The following DENND1A variants were observed in gnomAD, a reference collection of about 807,000 sequenced individuals.
The protein encoded by DENND1A is DENN domain-containing protein 1A.
Under a neutral mutation model 113.7 loss-of-function variants are expected in DENND1A, and 51 were observed. That is an observed-to-expected ratio of 0.45 (90% CI 0.36 to 0.57). The LOEUF (loss-of-function observed/expected upper bound fraction) is 0.57, where lower values mean the gene tolerates loss of function less well. Among genes scored for constraint, DENND1A ranks in the 20% least tolerant of loss-of-function variants. The probability of loss-of-function intolerance (pLI) is 0.00; values close to 1 mark genes in which losing one functional copy is unlikely to be tolerated. For synonymous variants in DENND1A, 565 were observed against 570.8 expected, an observed-to-expected ratio of 0.99 and a Z score of 0.14; for missense variants, 1,258 against 1,395.9, an observed-to-expected ratio of 0.90 and a Z score of 1.57.
At position 123,459,253 on chromosome 9, in the gene DENND1A, G is replaced by A. The variant is rs189754435; in HGVS notation, c.994-1356C>T. 7.3e-4 allele frequency among the ~76,000 whole-genome samples: 111 copies of A among 152,308 alleles called. 2 individuals are homozygous for A. Among genetic ancestry groups the A allele is most frequent in the Admixed American group, 7.2e-3 (110 of 15,302 alleles). On this transcript the variant is annotated intron_variant, in intron 13 of 23. Coordinates refer to ENST00000394215, the MANE Select transcript of DENND1A (RefSeq NM_001352964.2). ...ATCAGCTGCTCTGGAGGACCTGGGG[G>A]TAGAGCAGGGGTGCTGGCTGGGTTC...
chr9:123,804,277 TC>T (rs1383858966), intron 2 of DENND1A, among the ~76,000 whole-genome samples: 5 of 152,218 alleles, frequency 3.3e-5, no homozygotes, highest in Admixed American at 6.5e-5. Flanking sequence ...TTGTGAGGCC[TC>T]CCCAGGCATG....
At chr9:123,889,756 T>C (rs554518234) in intron 1 of DENND1A, among the ~76,000 whole-genome samples, 1 of 152,270 alleles carries the variant, frequency 6.6e-6, no homozygotes, top group South Asian at 2.1e-4. Context: ...GTAGATCACC[T>C]GAGGTCAGGA....
chr9:123,803,433 C>T (rs1835031380), intron 2 of DENND1A, among the ~76,000 whole-genome samples: 1 of 152,074 alleles, frequency 6.6e-6, no homozygotes, highest in Non-Finnish European at 1.5e-5. Flanking sequence ...AAATCTTCTC[C>T]AACCTCAATT....
At chr9:123,442,018 A>T (rs899470137) in intron 18 of DENND1A, among the ~76,000 whole-genome samples, 3 of 152,238 alleles carry the variant, frequency 2.0e-5, no homozygotes, top group African/African-American at 7.2e-5. Context: ...TGAAATGGGC[A>T]TATGGTAGCA....
At chr9:123,750,407 G>A (rs372634044) in intron 5 of DENND1A, among the ~76,000 whole-genome samples, 28 of 152,284 alleles carry the variant, frequency 1.8e-4, no homozygotes, top group African/African-American at 6.0e-4. Flanking sequence ...GTTCTGAAGA[G>A]CACCCCATGC....
Position 123,588,855 on chromosome 9 carries a change from C to A in DENND1A, c.766-5585G>T, listed in dbSNP as rs139121771. On this transcript the variant is annotated intron_variant, in intron 11 of 23. Transcript: ENST00000394215. ...TGATCTTGGCTCACTGCAACCTCTG[C>A]CTCCTGGGTTCAAGCTGTTCTTATG... Among the ~76,000 whole-genome samples the A allele has an allele frequency of 7.6e-3, 1,152 of 151,526 alleles. 40 individuals carry two copies. The highest frequency in any genetic ancestry group is 0.059 in the Admixed American group (903 of 15,242).
At chr9:123,487,071 C>T (rs936376141) in intron 13 of DENND1A, among the ~76,000 whole-genome samples, 2 of 152,122 alleles carry the variant, frequency 1.3e-5, no homozygotes, top group Admixed American at 1.3e-4. Flanking sequence ...ACCATAGAGG[C>T]CCCCATATTT....
intron 11 of DENND1A, among the ~76,000 whole-genome samples, chr9:123,599,781 C>T (rs529940067): frequency 5.9e-4 from 90 of 152,324 alleles, no homozygotes; most frequent in Non-Finnish European, 1.2e-3. Flanking sequence ...CGGATTTCGG[C>T]TTGCTTACAC....
chr9:123,863,623 G>A (rs1322013086), intron 2 of DENND1A, among the ~76,000 whole-genome samples: 1 of 151,652 alleles, frequency 6.6e-6, no homozygotes, highest in Non-Finnish European at 1.5e-5. Flanking sequence ...AACTTTGGTT[G>A]TACTAAATTG....
chr9:123,447,976 C>G (rs1377673239), intron 18 of DENND1A, among the ~76,000 whole-genome samples: 1 of 152,134 alleles, frequency 6.6e-6, no homozygotes, highest in South Asian at 2.1e-4. Flanking sequence ...AATATCAAGT[C>G]TGTGGAAATC....
intron 18 of DENND1A, among the ~76,000 whole-genome samples, chr9:123,443,572 GC>G (rs1338083036): frequency 6.6e-6 from 1 of 152,226 alleles, no homozygotes; most frequent in Non-Finnish European, 1.5e-5. Flanking sequence ...CAATTTATTA[GC>G]CTCTTTACTA....
intron 11 of DENND1A, among the ~76,000 whole-genome samples, chr9:123,598,111 G>A (rs1404916159): frequency 1.3e-5 from 2 of 152,114 alleles, no homozygotes; most frequent in East Asian, 3.9e-4. Flanking sequence ...AGGTGGCCTG[G>A]AGCCCCCTCC....
intron 19 of DENND1A, among the ~76,000 whole-genome samples, chr9:123,428,074 C>T (rs1233015039): frequency 6.6e-6 from 1 of 152,130 alleles, no homozygotes; most frequent in African/African-American, 2.4e-5. Flanking sequence ...GAGGCTGAGG[C>T]AGGTAGATCG....
At chr9:123,917,059 C>T (rs1206195089) in intron 1 of DENND1A, among the ~76,000 whole-genome samples, 1 of 151,890 alleles carries the variant, frequency 6.6e-6, no homozygotes, top group Non-Finnish European at 1.5e-5. Flanking sequence ...TGGCAGTTAC[C>T]CGTAGTCCCA....
chr9:123,414,164 C>T (rs1336341138), intron 19 of DENND1A: 16 of 1,015,092 alleles, frequency 1.6e-5, no homozygotes, highest in Non-Finnish European at 1.9e-5. Flanking sequence ...TGGGTTACTC[C>T]AGGCCCACGA....
At chr9:123,836,700 C>T (rs1431987931) in intron 2 of DENND1A, among the ~76,000 whole-genome samples, 1 of 151,896 alleles carries the variant, frequency 6.6e-6, no homozygotes, top group Non-Finnish European at 1.5e-5. Flanking sequence ...CTGCATATAA[C>T]AAATTTCTAT....
chr9:123,688,848 T>C (rs1369621620), intron 5 of DENND1A, among the ~76,000 whole-genome samples: 1 of 152,140 alleles, frequency 6.6e-6, no homozygotes, highest in Non-Finnish European at 1.5e-5. Context: ...ACTGCTTTAT[T>C]ATAAGCCATG....
intron 2 of DENND1A, among the ~76,000 whole-genome samples, chr9:123,860,347 C>T (rs934671868): frequency 1.3e-5 from 2 of 152,212 alleles, no homozygotes; most frequent in African/African-American, 2.4e-5. Context: ...AGGGAGCCTA[C>T]TCTAGTCATT....
intron 21 of DENND1A, among the ~76,000 whole-genome samples, chr9:123,398,796 AT>A (rs921037252): frequency 2.4e-3 from 320 of 135,808 alleles, no homozygotes; most frequent in Middle Eastern, 3.9e-3. Context: ...ACCACACAGC[AT>A]TTTTTTTTTT....
Sources: gnomAD v4.1 joint callset for allele counts (sites outside exome capture counted in the v4.1 genomes callset) on GRCh38, gnomAD v4.1.1 for gene constraint, MANE v1.5 for transcripts, NCBI Gene and HGNC (gene_info 2026-07-23, HGNC 2026-07-21) for gene names.